Variants in PSEN1 observed in about 807,000 individuals in gnomAD.
PSEN1 encodes the protein presenilin-1.
PSEN1 carries 15 observed loss-of-function variants against 53.5 expected under a neutral mutation model. The observed-to-expected ratio is 0.28, with a 90% CI of 0.19 to 0.43. PSEN1 has a LOEUF of 0.43. Among genes scored for constraint, PSEN1 ranks in the 20% least tolerant of loss-of-function variants. The probability of loss-of-function intolerance (pLI) is 1.00; values close to 1 mark genes in which losing one functional copy is unlikely to be tolerated. For missense variants in PSEN1, 387 were observed against 571.2 expected, an observed-to-expected ratio of 0.68 and a Z score of 3.29; for synonymous variants, 208 against 209.8, an observed-to-expected ratio of 0.99 and a Z score of 0.08.
chr14:73,189,777 A>G, intron 6 of PSEN1: 1 of 225,552 alleles, frequency 4.4e-6, no homozygotes, highest in South Asian at 5.5e-5. Flanking sequence ...CAGAGATGCC[A>G]GCTGAGGTCC....
At chr14:73,202,693 C>T (rs140027376) in intron 8 of PSEN1, among the ~76,000 whole-genome samples, 3,564 of 150,816 alleles carry the variant, frequency 0.024, 56 homozygotes, top group African/African-American at 0.045. Context: ...AGGATTGTCT[C>T]GATCTCTTGA....
At position 73,148,015 on chromosome 14, in the gene PSEN1, C is replaced by A; in HGVS notation, c.-5C>A. The A allele has an allele frequency of 6.2e-7, 1 of 1,610,210 alleles. No individual in the cohort carries two copies. Among genetic ancestry groups the A allele is most frequent in the Non-Finnish European group, 8.5e-7 (1 of 1,176,414 alleles). ...GTGAAACAGTATTTCTATACAGTTG[C>A]TCCAATGACAGAGTTACCTGCACCG... On this transcript the variant is annotated 5_prime_UTR_variant, in exon 3 of 12. It introduces an in-frame stop codon into an upstream open reading frame of the 5' UTR. Coordinates refer to ENST00000324501, the MANE Select transcript of PSEN1 (RefSeq NM_000021.4).
intron 9 of PSEN1, among the ~76,000 whole-genome samples, chr14:73,210,594 G>T (rs1056506545): frequency 6.6e-6 from 1 of 152,176 alleles, no homozygotes; most frequent in Non-Finnish European, 1.5e-5. Flanking sequence ...TGAGGAGGGA[G>T]GGGGTAGAAA....
intron 3 of PSEN1, among the ~76,000 whole-genome samples, chr14:73,156,811 C>T (rs183399154): frequency 4.3e-4 from 65 of 151,984 alleles, no homozygotes; most frequent in Non-Finnish European, 7.7e-4. Context: ...TACAGGCGTC[C>T]GCCACCATGC....
chr14:73,188,134 G>A (rs1024240051), intron 6 of PSEN1, among the ~76,000 whole-genome samples: 1 of 151,986 alleles, frequency 6.6e-6, no homozygotes, highest in Non-Finnish European at 1.5e-5. Context: ...TCACCATGTT[G>A]GCCAGGATGG....
Position 73,147,984 on chromosome 14 carries a change from T to C in PSEN1, c.-36T>C. The C allele has an allele frequency of 6.5e-7, 1 of 1,546,340 alleles. No homozygotes were observed. The highest frequency in any genetic ancestry group is 2.2e-5 in the East Asian group (1 of 44,570). On this transcript the variant is annotated 5_prime_UTR_variant, in exon 3 of 12. Coordinates refer to ENST00000324501, the MANE Select transcript of PSEN1 (RefSeq NM_000021.4). Reference sequence around the variant, plus strand: ...CTTTTCAGAACCTCAAGAGGCTTTGTTTTCTGTGAAACAGTATTTCTATAC... The same window carrying C: ...CTTTTCAGAACCTCAAGAGGCTTTGCTTTCTGTGAAACAGTATTTCTATAC...
chr14:73,152,175 G>GT (rs1277452366), intron 3 of PSEN1, among the ~76,000 whole-genome samples: 1 of 149,224 alleles, frequency 6.7e-6, no homozygotes, highest in Non-Finnish European at 1.5e-5. Context: ...GCCTCCCAAA[G>GT]TTTTTTTATA....
chr14:73,143,717 T>A (rs1333468494), intron 1 of PSEN1, among the ~76,000 whole-genome samples: 2 of 152,140 alleles, frequency 1.3e-5, no homozygotes, highest in African/African-American at 4.8e-5. Context: ...GGAAACTACT[T>A]CTTTTAAAAT....
intron 3 of PSEN1, among the ~76,000 whole-genome samples, chr14:73,166,836 T>C (rs1024215155): frequency 6.6e-6 from 1 of 152,198 alleles, no homozygotes; most frequent in Admixed American, 6.5e-5. Flanking sequence ...CCATTTCTCA[T>C]AGGGTTTGGA....
chr14:73,191,534 G>A (rs993975303), intron 6 of PSEN1, among the ~76,000 whole-genome samples: 18 of 151,842 alleles, frequency 1.2e-4, no homozygotes, highest in African/African-American at 2.7e-4. Flanking sequence ...TCCAAAATAC[G>A]TACATATATT....
At chr14:73,192,990 C>G in intron 7 of PSEN1, 126 bp downstream of exon 7, 3 of 780,786 alleles carry the variant, frequency 3.8e-6, no homozygotes, top group East Asian at 2.5e-5. Flanking sequence ...TTCAGTAAAT[C>G]ATTAATTAGC....
intron 6 of PSEN1, among the ~76,000 whole-genome samples, chr14:73,190,505 A>T (rs1898675037): frequency 1.3e-5 from 2 of 149,568 alleles, no homozygotes; most frequent in Admixed American, 6.7e-5. Flanking sequence ...AAAAAAAAAA[A>T]TTAAAATATG....
At chr14:73,175,446 A>G (rs945658489) in intron 5 of PSEN1, among the ~76,000 whole-genome samples, 1 of 151,976 alleles carries the variant, frequency 6.6e-6, no homozygotes, top group Non-Finnish European at 1.5e-5. Context: ...GTTTGAGACC[A>G]GCCTGAGCAA....
chr14:73,206,354 G>T, intron 8 of PSEN1, 32 bp from the exon 9 acceptor site: 2 of 1,547,356 alleles, frequency 1.3e-6, no homozygotes, highest in South Asian at 2.2e-5. Flanking sequence ...TGTGTGTCCA[G>T]TGCTTACCTG....
rs1344735969 is a variant in PSEN1 at position 73,198,098 on chromosome 14, T to C, written c.837T>C (p.Asn279=). ...TGGTTGAAACAGCTCAGGAGAGAAA[T>C]GAAACGCTTTTTCCAGCTCTCATTT... ...RMLVETAQER[N]ETLFPALIYS... The change falls in exon 8 of 12, where the codon AAT becomes AAC. Residue 279 remains asparagine (N), a synonymous_variant. Coordinates refer to ENST00000324501, the MANE Select transcript of PSEN1 (RefSeq NM_000021.4). 6.2e-7 allele frequency: 1 copy of C among 1,611,484 alleles called. No homozygotes were observed. Among genetic ancestry groups the C allele is most frequent in the Non-Finnish European group, 8.5e-7 (1 of 1,177,890 alleles).
intron 5 of PSEN1, among the ~76,000 whole-genome samples, chr14:73,177,879 GA>G (rs1480760708): frequency 6.6e-6 from 1 of 151,960 alleles, no homozygotes; most frequent in Non-Finnish European, 1.5e-5. Context: ...TGAGCTTTTT[GA>G]ATCTCTAGGT....
chr14:73,173,975 C>G, intron 5 of PSEN1: 1 of 592,984 alleles, frequency 1.7e-6, no homozygotes, highest in Non-Finnish European at 3.0e-6. Context: ...CGTAGCAAGA[C>G]CCTGCCTCTA....
intron 10 of PSEN1, among the ~76,000 whole-genome samples, chr14:73,216,527 A>C (rs1200270697): frequency 6.6e-6 from 1 of 152,136 alleles, no homozygotes; most frequent in Non-Finnish European, 1.5e-5. Context: ...TTGGGAGGCC[A>C]AGGTGGGTGG....
chr14:73,216,568 G>A (rs1423068245), intron 10 of PSEN1, among the ~76,000 whole-genome samples: 1 of 152,094 alleles, frequency 6.6e-6, no homozygotes, highest in East Asian at 1.9e-4. Context: ...AGACCAGCCT[G>A]ACCAACATGG....
Sources: gnomAD v4.1 joint callset for allele counts (sites outside exome capture counted in the v4.1 genomes callset) on GRCh38, gnomAD v4.1.1 for gene constraint, MANE v1.5 for transcripts, NCBI Gene and HGNC (gene_info 2026-07-23, HGNC 2026-07-21) for gene names.